MAPKAPK5: variants seen among roughly 807,000 people sequenced by gnomAD.
MAPKAPK5 encodes the protein MAP kinase-activated protein kinase 5.
MAPKAPK5 carries 30 observed loss-of-function variants against 65.1 expected under a neutral mutation model. The ratio of observed to expected loss-of-function variants is 0.46; its 90% CI spans 0.34 to 0.63. The LOEUF is 0.63. Ranked by LOEUF, MAPKAPK5 falls within the 20% of genes least tolerant of loss-of-function variation. The pLI is 0.01. For missense variants in MAPKAPK5, 433 were observed against 581.4 expected (o/e 0.74, Z 2.63); for synonymous variants, 179 against 204.6 (o/e 0.87, Z 1.07).
chr12:111,883,664 G>A lies in MAPKAPK5; in HGVS notation c.744G>A (p.Arg248=), dbSNP rs1302561101. ...YPPFYSKHHS[R]TIPKDMRRKI... ...CTTTTTACTCCAAACACCACAGCCG[G>A]ACTATCCCAAAGGATATGCGAAGAA... The change falls in exon 9 of 14, where the codon CGG becomes CGA. Residue 248 remains arginine (R), a synonymous_variant. Transcript: ENST00000550735. This position sits in a 1 kb window ranked among gnomAD's most constrained non-coding sequence, Gnocchi z 4.8. 15 of 1,613,844 alleles carry A rather than the reference G, an allele frequency of 9.3e-6. No homozygotes were observed. Among genetic ancestry groups the A allele is most frequent in the Non-Finnish European group, 1.3e-5 (15 of 1,179,874 alleles).
At chr12:111,881,542 T>G (rs1242861715) in intron 8 of MAPKAPK5, among the ~76,000 whole-genome samples, 1 of 151,876 alleles carries the variant, frequency 6.6e-6, no homozygotes, top group African/African-American at 2.4e-5. Context: ...GTAGCTGGGA[T>G]TACAGGCGCC....
chr12:111,898,439 G>A lies in MAPKAPK5; in HGVS notation c.*5378G>A, dbSNP rs2070895115. On this transcript the variant is annotated 3_prime_UTR_variant, in exon 14 of 14. Transcript: ENST00000550735. Reference sequence around the variant, plus strand: ...CTGCCTCGGCCTCCCAAAGTGCTGGGATTACAGGGGTGAGCCACCGTGCCC... The same window carrying A: ...CTGCCTCGGCCTCCCAAAGTGCTGGAATTACAGGGGTGAGCCACCGTGCCC... 1 of 152,250 alleles carries A rather than the reference G, an allele frequency of 6.6e-6. No homozygotes were observed. Among genetic ancestry groups the A allele is most frequent in the Non-Finnish European group, 1.5e-5 (1 of 68,154 alleles). 9.4% of individuals were successfully genotyped at this position (152,250 alleles called of 1,614,324 possible). A position where few individuals can be genotyped will look rare whatever the true frequency, so the allele number is the denominator to read the frequency against.
In MAPKAPK5 at chr12:111,883,168, C is replaced by G. The variant is rs373807940; in HGVS notation, c.661-413C>G. On this transcript the variant is annotated intron_variant, in intron 8 of 13. Transcript: ENST00000550735. The surrounding 1 kb of genome is among the most constrained non-coding windows in gnomAD (Gnocchi z 4.8). ...CGGGCAGATCACGAGGTCAGGAGTT[C>G]GAGACCAACCTGACCAACATGGTGA... is the stretch of plus-strand genomic sequence containing the variant. Among the ~76,000 whole-genome samples the G allele has an allele frequency of 6.6e-6, 1 of 151,878 alleles. No individual in the cohort carries two copies. The highest frequency in any genetic ancestry group is 6.6e-5 in the Admixed American group (1 of 15,244).
At chr12:111,864,243 C>G (rs1003898777) in intron 1 of MAPKAPK5, among the ~76,000 whole-genome samples, 1 of 152,176 alleles carries the variant, frequency 6.6e-6, no homozygotes, top group Non-Finnish European at 1.5e-5. Context: ...CCACTGCACT[C>G]CAGCCTGGGT....
rs76414003 is a variant in MAPKAPK5, at chr12:111,866,030, A to C, written c.111-126A>C. On this transcript the variant is annotated intron_variant, in intron 2 of 13. Transcript: ENST00000550735. ...CCCCCACCTGCTACCCTTGGGGGCA[A>C]GTTTGTTCTGGATGCACCTGGCCAT... 1.0e-3 allele frequency: 698 copies of C among 696,240 alleles called. 4 individuals are homozygous for C. The African/African-American group carries it at 0.012, about 12-fold the overall frequency. 43.1% of individuals were successfully genotyped at this position (696,240 alleles called of 1,614,324 possible).
chr12:111,843,202 G>T (rs2068784852), intron 1 of MAPKAPK5: 2 of 398,518 alleles, frequency 5.0e-6, no homozygotes, highest in Non-Finnish European at 8.8e-6. Flanking sequence ...GAAATCTGCA[G>T]TTGGAAAAAG....
intron 1 of MAPKAPK5, among the ~76,000 whole-genome samples, chr12:111,851,921 C>G (rs553963427): frequency 2.0e-5 from 3 of 152,092 alleles, no homozygotes; most frequent in Non-Finnish European, 4.4e-5. Context: ...AGGTACAGAT[C>G]TTGGAGAAAT....
At chr12:111,875,330 G>T (rs2069926487) in intron 7 of MAPKAPK5, among the ~76,000 whole-genome samples, 1 of 152,026 alleles carries the variant, frequency 6.6e-6, no homozygotes, top group African/African-American at 2.4e-5. Context: ...TGCCTCAGTG[G>T]CATGGGATTC....
In MAPKAPK5 at chr12:111,881,402, C is replaced by CTTT. The variant is rs1274226182; in HGVS notation, c.660+875_660+876insTTT. 5.1e-4 allele frequency among the ~76,000 whole-genome samples: 60 copies of CTTT among 116,720 alleles called. 4 individuals are homozygous for CTTT. Among genetic ancestry groups the CTTT allele is most frequent in the East Asian group, 1.1e-3 (4 of 3,606 alleles). 76.6% of individuals were successfully genotyped at this position (116,720 alleles called of 152,430 possible). ...AGCCCACATATTGATCCTGTCTGTT[C>CTTT]CTTTTTTTTTTTTTTTTTTTGAGAC... On this transcript the variant is annotated intron_variant, in intron 8 of 13. Coordinates refer to ENST00000550735, the MANE Select transcript of MAPKAPK5 (RefSeq NM_003668.4).
At chr12:111,866,882 G>A (rs1011105411) in intron 3 of MAPKAPK5, among the ~76,000 whole-genome samples, 2 of 152,164 alleles carry the variant, frequency 1.3e-5, no homozygotes, top group East Asian at 1.9e-4. Context: ...GATTACAGGC[G>A]TGAGCCACTG....
rs749849884 is a variant in MAPKAPK5 at position 111,900,704 on chromosome 12, G to T, written c.*7643G>T. On this transcript the variant is annotated 3_prime_UTR_variant, in exon 14 of 14. Coordinates refer to ENST00000550735, the MANE Select transcript of MAPKAPK5 (RefSeq NM_003668.4). ...GCAGTGATGGTCCATGTTGTCATAA[G>T]TGTAAATTTCACCGTAAGGGATATC... is the stretch of plus-strand genomic sequence containing the variant. 2.2e-6 allele frequency: 1 copy of T among 456,108 alleles called. No individual in the cohort carries two copies. Among genetic ancestry groups the T allele is most frequent in the South Asian group, 1.5e-5 (1 of 64,564 alleles). The allele number at this position is 456,108 out of a possible 1,614,324, so 28.3% of individuals were successfully genotyped here. A position where few individuals can be genotyped will look rare whatever the true frequency, so the allele number is the denominator to read the frequency against.
rs935053451 is a variant in MAPKAPK5, at chr12:111,859,043, A to G, written c.37-6207A>G. On this transcript the variant is annotated intron_variant, in intron 1 of 13. Coordinates refer to ENST00000550735, the MANE Select transcript of MAPKAPK5 (RefSeq NM_003668.4). ...AGTGCAACTACTTGCTCAATCTAGT[A>G]TCTGCATCCAATCAGAGATGGATGC... Among the ~76,000 whole-genome samples the G allele has an allele frequency of 6.1e-5, 9 of 147,514 alleles. 1 individual carries two copies. The highest frequency in any genetic ancestry group is 1.3e-4 in the Admixed American group (2 of 14,892).
At chr12:111,866,481 G>A (rs1036478086) in intron 3 of MAPKAPK5, among the ~76,000 whole-genome samples, 1 of 152,160 alleles carries the variant, frequency 6.6e-6, no homozygotes. Flanking sequence ...GTACCCTCAT[G>A]TATTCAGATT....
chr12:111,849,595 A>G (rs2069007365), intron 1 of MAPKAPK5, among the ~76,000 whole-genome samples: 1 of 152,224 alleles, frequency 6.6e-6, no homozygotes, highest in Non-Finnish European at 1.5e-5. Context: ...AAAGTCATTT[A>G]TCAGCTATGT....
Position 111,866,099 on chromosome 12 carries a change from A to T in MAPKAPK5, c.111-57A>T, listed in dbSNP as rs1297029145. 5 of 1,346,358 alleles carry T rather than the reference A, an allele frequency of 3.7e-6. No individual in the cohort carries two copies. In the African/African-American group the frequency reaches 7.4e-5, roughly 20 times the overall value. 83.4% of individuals were successfully genotyped at this position (1,346,358 alleles called of 1,614,324 possible). On this transcript the variant is annotated intron_variant, in intron 2 of 13. Transcript: ENST00000550735. ...AAATCTCAAAGAAAAAGCTTGTTAA[A>T]TTAATTTTCATTCTAACATATATGA...
rs746351733 is a variant in MAPKAPK5, at chr12:111,883,383, G to GA, written c.661-189dup. Among the ~76,000 whole-genome samples the GA allele has an allele frequency of 6.0e-5, 9 of 150,462 alleles. No homozygotes were observed. The South Asian group carries it at 6.3e-4, about 11-fold the overall frequency. On this transcript the variant is annotated intron_variant, in intron 8 of 13. Transcript: ENST00000550735. The surrounding 1 kb of genome is among the most constrained non-coding windows in gnomAD (Gnocchi z 4.8). ...CAACAGAGCAAGACTCTGTCTCAAA[G>GA]AAAAAAAAAGAAAGAAAGAAAATAT... is the stretch of plus-strand genomic sequence containing the variant.
intron 10 of MAPKAPK5, 28 bp downstream of exon 10, chr12:111,886,064 T>C (rs779305103): frequency 1.2e-6 from 2 of 1,613,770 alleles, no homozygotes; most frequent in South Asian, 2.2e-5. Context: ...CTTTGTTGGC[T>C]GAAAAGACTG....
chr12:111,861,715 A>G (rs2069443072), intron 1 of MAPKAPK5, among the ~76,000 whole-genome samples: 2 of 152,210 alleles, frequency 1.3e-5, no homozygotes. Context: ...TGTTTAGAAA[A>G]GCAAGCTTTC....
chr12:111,875,408 T>G lies in MAPKAPK5; in HGVS notation c.579+4228T>G, dbSNP rs2069930587. ...TTTTTTTAAAATTTAAAAAAAATTT[T>G]TTTAAAATATTCCACTTCTACCCTC... On this transcript the variant is annotated intron_variant, in intron 7 of 13. Coordinates refer to ENST00000550735, the MANE Select transcript of MAPKAPK5 (RefSeq NM_003668.4). Among the ~76,000 whole-genome samples, 2 of 152,054 alleles carry G rather than the reference T, an allele frequency of 1.3e-5. 1 individual carries two copies. Among genetic ancestry groups the G allele is most frequent in the South Asian group, 4.1e-4 (2 of 4,824 alleles).
Sources: gnomAD v4.1 joint callset for allele counts (sites outside exome capture counted in the v4.1 genomes callset) on GRCh38, gnomAD v4.1.1 for gene constraint, Gnocchi (gnomAD v3.1) non-coding constraint, MANE v1.5 for transcripts, NCBI Gene and HGNC (gene_info 2026-07-23, HGNC 2026-07-21) for gene names.